The following KCNJ12 variants were observed in gnomAD, a reference collection of about 807,000 sequenced individuals.
KCNJ12 encodes the protein potassium inwardly rectifying channel subfamily J member 12.
A neutral mutation model predicts 22.3 loss-of-function variants in KCNJ12; 2 were observed. The observed-to-expected ratio is 0.09, with a 90% CI of 0.04 to 0.28. The LOEUF (loss-of-function observed/expected upper bound fraction) is 0.28, where lower values mean the gene tolerates loss of function less well. Ranked by LOEUF, KCNJ12 falls within the 10% of genes least tolerant of loss-of-function variation. KCNJ12 has a pLI of 1.00. For missense variants in KCNJ12, 155 were observed against 633.3 expected, an observed-to-expected ratio of 0.24 and a Z score of 8.11; for synonymous variants, 117 against 261.4, an observed-to-expected ratio of 0.45 and a Z score of 5.33.
At chr17:21,388,188 A>G (rs1905124723) in intron 1 of KCNJ12, among the ~76,000 whole-genome samples, 1 of 152,156 alleles carries the variant, frequency 6.6e-6, no homozygotes, top group Non-Finnish European at 1.5e-5. Context: ...AGAAGCCCTC[A>G]GGGAGTGGGT....
chr17:21,412,295 C>A (rs1331414965), intron 2 of KCNJ12, among the ~76,000 whole-genome samples: 4 of 152,088 alleles, frequency 2.6e-5, no homozygotes, highest in Non-Finnish European at 5.9e-5. Context: ...TCTGCGGTGC[C>A]CAGCCCTGGC....
At chr17:21,411,912 C>CTAGGG (rs1906372566) in intron 2 of KCNJ12, among the ~76,000 whole-genome samples, 1 of 152,310 alleles carries the variant, frequency 6.6e-6, no homozygotes, top group Non-Finnish European at 1.5e-5. Flanking sequence ...GCTTGTGGTG[C>CTAGGG]TAGGGTTTCT....
chr17:21,416,602 G>C lies in KCNJ12; in HGVS notation c.1260G>C (p.Gly420=), dbSNP rs1360304992. The C allele has an allele frequency of 6.2e-7, 1 of 1,604,370 alleles. No individual in the cohort carries two copies. The highest frequency in any genetic ancestry group is 8.5e-7 in the Non-Finnish European group (1 of 1,175,418). The change falls in exon 3 of 3, where the codon GGG becomes GGC. Residue 420 remains glycine, a synonymous_variant. Transcript: ENST00000583088. ...HDFDRLQAGG[G]VLEQRPYRRE... Reference sequence around the variant, plus strand: ...TTGACAGACTCCAGGCTGGCGGCGGGGTCCTGGAGCAGCGGCCCTACAGAC... The same window carrying C: ...TTGACAGACTCCAGGCTGGCGGCGGCGTCCTGGAGCAGCGGCCCTACAGAC...
intron 1 of KCNJ12, among the ~76,000 whole-genome samples, chr17:21,397,396 G>A (rs376972034): frequency 6.6e-6 from 1 of 152,212 alleles, no homozygotes; most frequent in South Asian, 2.1e-4. Context: ...TTCAGCGCCC[G>A]GCTGCCTGTG....
At chr17:21,381,538 C>G (rs1196119935) in intron 1 of KCNJ12, among the ~76,000 whole-genome samples, 7 of 152,172 alleles carry the variant, frequency 4.6e-5, no homozygotes, top group African/African-American at 1.7e-4. Context: ...CCACTCCTAC[C>G]TCAGGGCCTT....
chr17:21,387,971 T>A (rs1300447409), intron 1 of KCNJ12, among the ~76,000 whole-genome samples: 4 of 152,000 alleles, frequency 2.6e-5, no homozygotes, highest in Admixed American at 1.3e-4. Flanking sequence ...GTGCACTGGG[T>A]CCCTTCCTTC....
At chr17:21,408,691 C>T (rs1320214138) in intron 2 of KCNJ12, 51 bp downstream of exon 2, 1 of 152,384 alleles carries the variant, frequency 6.6e-6, no homozygotes, top group East Asian at 1.9e-4. Context: ...ATTCCTTCCA[C>T]CAGACTCTCA....
intron 1 of KCNJ12, among the ~76,000 whole-genome samples, chr17:21,396,529 C>T (rs909236506): frequency 4.6e-5 from 7 of 152,196 alleles, no homozygotes; most frequent in South Asian, 4.1e-4. Context: ...GAGACATCCC[C>T]GTGCCTGGCC....
At chr17:21,403,930 T>G in intron 1 of KCNJ12, among the ~76,000 whole-genome samples, 1 of 152,288 alleles carries the variant, frequency 6.6e-6, no homozygotes, top group Non-Finnish European at 1.5e-5. Context: ...CTCTTATAGT[T>G]TCAAGCTCTC....
intron 1 of KCNJ12, among the ~76,000 whole-genome samples, chr17:21,383,356 T>G (rs1256902436): frequency 5.9e-5 from 9 of 151,924 alleles, no homozygotes; most frequent in Admixed American, 4.6e-4. Context: ...TCGGGGCTCC[T>G]GGTTCCGGGC....
intron 2 of KCNJ12, among the ~76,000 whole-genome samples, chr17:21,411,006 G>A (rs1410916418): frequency 1.3e-5 from 2 of 152,308 alleles, no homozygotes; most frequent in Non-Finnish European, 2.9e-5. Flanking sequence ...ATGGGGGATG[G>A]GGGCTGTTGG....
chr17:21,398,344 G>A (rs2142059689), intron 1 of KCNJ12, among the ~76,000 whole-genome samples: 1 of 152,342 alleles, frequency 6.6e-6, no homozygotes. Flanking sequence ...GCCCTGCCCA[G>A]TGCCTCCTCT....
chr17:21,390,060 C>T (rs1378338606), intron 1 of KCNJ12, among the ~76,000 whole-genome samples: 1 of 152,184 alleles, frequency 6.6e-6, no homozygotes, highest in Non-Finnish European at 1.5e-5. Context: ...CCACTCCTGC[C>T]CCATTCTTGG....
intron 2 of KCNJ12, among the ~76,000 whole-genome samples, chr17:21,413,095 C>T (rs1360646208): frequency 2.9e-5 from 4 of 136,532 alleles, no homozygotes; most frequent in African/African-American, 4.9e-5. Flanking sequence ...GCCGGGCAGG[C>T]GGCTCCACCA....
chr17:21,415,847 G>A lies in KCNJ12; in HGVS notation c.505G>A (p.Gly169Ser), dbSNP rs1555562614. 6.2e-7 allele frequency: 1 copy of A among 1,612,660 alleles called. No individual in the cohort carries two copies. Among genetic ancestry groups the A allele is most frequent in the South Asian group, 1.1e-5 (1 of 91,066 alleles). Reference sequence around the variant, plus strand: ...CATGGTGGTGGCCCAGTCCATCGTGGGCTGCATCATCGACTCCTTCATGAT... The same window carrying A: ...CATGGTGGTGGCCCAGTCCATCGTGAGCTGCATCATCGACTCCTTCATGAT... ...VFMVVAQSIV[G>S]CIIDSFMIGA... The change falls in exon 3 of 3, where the codon GGC (glycine) becomes AGC (serine). Residue 169 changes from glycine to serine, a missense_variant. By Grantham distance (56) the Gly-to-Ser change is moderately conservative. Coordinates refer to ENST00000583088, the MANE Select transcript of KCNJ12 (RefSeq NM_021012.5).
chr17:21,379,790 G>T (rs1904800785), intron 1 of KCNJ12, among the ~76,000 whole-genome samples: 1 of 152,064 alleles, frequency 6.6e-6, no homozygotes, highest in Non-Finnish European at 1.5e-5. Flanking sequence ...CATGGGGTTG[G>T]GGGTGGGGGG....
chr17:21,394,795 G>A (rs1555559710), intron 1 of KCNJ12, among the ~76,000 whole-genome samples: 1 of 152,210 alleles, frequency 6.6e-6, no homozygotes, highest in African/African-American at 2.4e-5. Context: ...TTGGAGGTGG[G>A]AGCTGCTGGG....
chr17:21,377,260 G>C (rs1904690262), intron 1 of KCNJ12, among the ~76,000 whole-genome samples: 1 of 152,062 alleles, frequency 6.6e-6, no homozygotes, highest in South Asian at 2.1e-4. Flanking sequence ...GGGAGGGAGC[G>C]TGCGGAAGCA....
intron 1 of KCNJ12, among the ~76,000 whole-genome samples, chr17:21,390,520 G>A (rs1444239911): frequency 6.6e-6 from 1 of 152,264 alleles, no homozygotes; most frequent in Admixed American, 6.5e-5. Context: ...GGGGCCGGTG[G>A]CCAGAGGTGG....
Sources: gnomAD v4.1 joint callset for allele counts (sites outside exome capture counted in the v4.1 genomes callset) on GRCh38, gnomAD v4.1.1 for gene constraint, MANE v1.5 for transcripts, NCBI Gene and HGNC (gene_info 2026-07-23, HGNC 2026-07-21) for gene names.